Variants in MSRB3 observed in about 807,000 individuals in gnomAD.
MSRB3 encodes the protein methionine-R-sulfoxide reductase B3.
In MSRB3, 13 loss-of-function variants were observed where a neutral mutation model predicts 21.0. That is an observed-to-expected ratio of 0.62 (90% CI 0.40 to 0.98). The LOEUF is 0.98. Ranked by LOEUF, MSRB3 falls within the 50% of genes least tolerant of loss-of-function variation. MSRB3 has a pLI of 0.00. For missense variants in MSRB3, 199 were observed against 230.3 expected (o/e 0.86, Z 0.88); for synonymous variants, 87 against 88.6 (o/e 0.98, Z 0.10).
At chr12:65,392,491 G>T (rs1191654188) in intron 5 of MSRB3, among the ~76,000 whole-genome samples, 1 of 152,166 alleles carries the variant, frequency 6.6e-6, no homozygotes, top group African/African-American at 2.4e-5. Flanking sequence ...TTTATGGCTA[G>T]TCCTTTACTG....
chr12:65,403,692 T>C (rs1490837308), intron 5 of MSRB3, among the ~76,000 whole-genome samples: 1 of 152,156 alleles, frequency 6.6e-6, no homozygotes, highest in Admixed American at 6.5e-5. Flanking sequence ...TCTGCCCAAA[T>C]GGCCACCCAG....
chr12:65,290,630 A>G (rs1303767966), intron 1 of MSRB3, among the ~76,000 whole-genome samples: 1 of 152,080 alleles, frequency 6.6e-6, no homozygotes, highest in Admixed American at 6.6e-5. Context: ...CTTATTTGTT[A>G]TCCTTCTAAA....
intron 5 of MSRB3, among the ~76,000 whole-genome samples, chr12:65,373,948 G>T (rs1013099519): frequency 1.3e-5 from 2 of 152,144 alleles, no homozygotes; most frequent in Non-Finnish European, 2.9e-5. Context: ...AAACATAAGG[G>T]CAGGGAAAAA....
intron 5 of MSRB3, among the ~76,000 whole-genome samples, chr12:65,449,225 G>A (rs2136694754): frequency 6.8e-6 from 1 of 146,954 alleles, no homozygotes; most frequent in East Asian, 2.0e-4. Flanking sequence ...TTTTTGTAGA[G>A]GCGGGGTTTC....
chr12:65,292,396 C>T (rs1346458316), intron 1 of MSRB3, among the ~76,000 whole-genome samples: 1 of 152,122 alleles, frequency 6.6e-6, no homozygotes, highest in Non-Finnish European at 1.5e-5. Context: ...CACAGTAATT[C>T]TCAGAGTTAA....
chr12:65,288,509 T>C (rs886587483), intron 1 of MSRB3, among the ~76,000 whole-genome samples: 5 of 152,202 alleles, frequency 3.3e-5, no homozygotes, highest in Non-Finnish European at 7.3e-5. Context: ...CTTCGTAGCC[T>C]AGTGTGCCCA....
At chr12:65,378,203 T>C (rs1878740489) in intron 5 of MSRB3, among the ~76,000 whole-genome samples, 1 of 152,158 alleles carries the variant, frequency 6.6e-6, no homozygotes, top group Non-Finnish European at 1.5e-5. Flanking sequence ...TTTGGATAAA[T>C]GATTGAATGA....
intron 5 of MSRB3, among the ~76,000 whole-genome samples, chr12:65,400,710 C>T (rs1348551331): frequency 3.3e-5 from 5 of 151,956 alleles, no homozygotes; most frequent in Admixed American, 2.6e-4. Flanking sequence ...GTTAGGGTGT[C>T]GGTTTTAGAT....
At chr12:65,418,124 G>A (rs1287271514) in intron 5 of MSRB3, among the ~76,000 whole-genome samples, 2 of 152,086 alleles carry the variant, frequency 1.3e-5, no homozygotes, top group African/African-American at 4.8e-5. Flanking sequence ...TGGATCTTGG[G>A]ACGGAGTTTT....
intron 4 of MSRB3, among the ~76,000 whole-genome samples, chr12:65,347,045 T>A (rs961421211): frequency 1.3e-5 from 2 of 152,206 alleles, no homozygotes; most frequent in Non-Finnish European, 2.9e-5. Flanking sequence ...TTCTTTTGGC[T>A]TAGGATTGCC....
intron 5 of MSRB3, among the ~76,000 whole-genome samples, chr12:65,429,475 G>A: frequency 6.6e-6 from 1 of 152,086 alleles, no homozygotes; most frequent in Admixed American, 6.6e-5. Flanking sequence ...TGTGTTTGGA[G>A]AGGTAGGCAG....
At chr12:65,284,931 T>C (rs1328529842) in intron 1 of MSRB3, 1 of 152,194 alleles carries the variant, frequency 6.6e-6, no homozygotes, top group Non-Finnish European at 1.5e-5. Flanking sequence ...AGTGGCTTCT[T>C]ATCTTTCTTC....
At chr12:65,387,671 A>G (rs1467839656) in intron 5 of MSRB3, among the ~76,000 whole-genome samples, 1 of 152,108 alleles carries the variant, frequency 6.6e-6, no homozygotes, top group Non-Finnish European at 1.5e-5. Context: ...CTGAGCTTCA[A>G]TTTCCTCATT....
chr12:65,410,929 G>T lies in MSRB3; in HGVS notation c.292+41903G>T, dbSNP rs1880682370. ...TAAGTTATATTTGCTGCCCTCTCTG[G>T]CCTTTTCACATGTACCTTTCCCTCT... On this transcript the variant is annotated intron_variant, in intron 5 of 6. Coordinates refer to ENST00000308259, the MANE Select transcript of MSRB3 (RefSeq NM_001031679.3). 2.0e-5 allele frequency among the ~76,000 whole-genome samples: 3 copies of T among 152,086 alleles called. No individual in the cohort carries two copies. The South Asian group carries it at 6.2e-4, about 32-fold the overall frequency.
chr12:65,459,798 A>C (rs1342464649), intron 6 of MSRB3, among the ~76,000 whole-genome samples: 5 of 152,220 alleles, frequency 3.3e-5, no homozygotes, highest in African/African-American at 7.2e-5. Context: ...TGAATACACT[A>C]TTTGTGTTTC....
At chr12:65,387,714 C>G (rs1331442479) in intron 5 of MSRB3, among the ~76,000 whole-genome samples, 1 of 152,040 alleles carries the variant, frequency 6.6e-6, no homozygotes, top group South Asian at 2.1e-4. Flanking sequence ...TAATGCCTAC[C>G]TCAATGTTAT....
intron 4 of MSRB3, among the ~76,000 whole-genome samples, chr12:65,351,759 C>A (rs1033445018): frequency 3.3e-5 from 5 of 151,344 alleles, no homozygotes; most frequent in African/African-American, 1.2e-4. Flanking sequence ...CAAGACTAAA[C>A]CAGGAAGAAG....
chr12:65,419,573 T>C (rs748635132), intron 5 of MSRB3: 33 of 733,622 alleles, frequency 4.5e-5, no homozygotes, highest in Non-Finnish European at 7.9e-5. Context: ...TGCAGAACAA[T>C]GTGGACATTG....
At chr12:65,448,302 G>C (rs537142933) in intron 5 of MSRB3, among the ~76,000 whole-genome samples, 53 of 152,250 alleles carry the variant, frequency 3.5e-4, no homozygotes, top group African/African-American at 1.3e-3. Flanking sequence ...TATGTAGCAG[G>C]CACTTTTTTA....
Sources: allele counts gnomAD v4.1 joint callset (sites outside exome capture counted in the v4.1 genomes callset), GRCh38; gene constraint gnomAD v4.1.1; transcripts MANE v1.5; gene names NCBI Gene and HGNC (gene_info 2026-07-23, HGNC 2026-07-21).